IL15: variants seen among roughly 807,000 people sequenced by gnomAD.
The protein encoded by IL15 is interleukin-15.
IL15 carries 11 observed loss-of-function variants against 19.6 expected under a neutral mutation model. The observed-to-expected ratio is 0.56, with a 90% CI of 0.35 to 0.93. The LOEUF (loss-of-function observed/expected upper bound fraction) is 0.93, where lower values mean the gene tolerates loss of function less well. IL15 is among the 40% of genes least tolerant of loss of function. The pLI is 0.01. For synonymous variants in IL15, 58 were observed against 59.6 expected (o/e 0.97, Z 0.12); for missense variants, 197 against 186.5 (o/e 1.06, Z -0.33).
In IL15 at chr4:141,733,291, C is replaced by G. The variant is rs1163920732; in HGVS notation, c.*443C>G. ...GTAGGCTCCTGCCAGTGTGGAACCA[C>G]TGACTACTGGCTCTCATTGACTTCC... is the stretch of plus-strand genomic sequence containing the variant. On this transcript the variant is annotated 3_prime_UTR_variant, in exon 8 of 8. Coordinates refer to ENST00000320650, the MANE Select transcript of IL15 (RefSeq NM_000585.5). 6.5e-6 allele frequency: 1 copy of G among 154,586 alleles called. No individual in the cohort carries two copies. The highest frequency in any genetic ancestry group is 2.4e-5 in the African/African-American group (1 of 41,484). 9.6% of individuals were successfully genotyped at this position (154,586 alleles called of 1,614,324 possible). A position where few individuals can be genotyped will look rare whatever the true frequency, so the allele number is the denominator to read the frequency against.
intron 2 of IL15, among the ~76,000 whole-genome samples, chr4:141,710,714 C>T (rs1729689403): frequency 6.6e-6 from 1 of 151,920 alleles, no homozygotes; most frequent in African/African-American, 2.4e-5. Context: ...CTATTACAAC[C>T]TTCTGTTAGA....
At chr4:141,727,806 A>G (rs1730318130) in intron 5 of IL15, 134 bp from the exon 6 acceptor site, 1 of 610,688 alleles carries the variant, frequency 1.6e-6, no homozygotes, top group Admixed American at 3.4e-5. Flanking sequence ...TTACTCTTAC[A>G]GTTTCATATG....
chr4:141,717,565 G>A (rs565572999), intron 2 of IL15: 1 of 152,576 alleles, frequency 6.6e-6, no homozygotes, highest in East Asian at 1.9e-4. Context: ...AGAACTGTGA[G>A]CCAAATGAGC....
intron 1 of IL15, among the ~76,000 whole-genome samples, chr4:141,655,341 A>G (rs1022521099): frequency 5.5e-4 from 83 of 152,020 alleles, no homozygotes; most frequent in African/African-American, 1.9e-3. Context: ...TTAAGGCGGT[A>G]TTATACAAAC....
chr4:141,683,571 TAA>T (rs566487149), intron 2 of IL15, among the ~76,000 whole-genome samples: 29 of 120,776 alleles, frequency 2.4e-4, no homozygotes, highest in Admixed American at 5.2e-4. Context: ...ATTCCGTCTC[TAA>T]AAAAAAAAAA....
intron 2 of IL15, among the ~76,000 whole-genome samples, chr4:141,696,355 A>G (rs1218730061): frequency 6.6e-6 from 1 of 152,064 alleles, no homozygotes; most frequent in African/African-American, 2.4e-5. Context: ...TATTTCAGGT[A>G]GTATGAAGAA....
At chr4:141,732,663 G>C (rs1426373411) in intron 7 of IL15, 75 bp from the exon 8 acceptor site, 6 of 1,564,116 alleles carry the variant, frequency 3.8e-6, no homozygotes, top group Non-Finnish European at 5.2e-6. Context: ...CAAACGATAT[G>C]ATATTCCCAT....
rs1314815690 is a variant in IL15, at chr4:141,732,785, A to C, written c.426A>C (p.Lys142Asn). The C allele has an allele frequency of 6.2e-7, 1 of 1,613,102 alleles. No homozygotes were observed. Among genetic ancestry groups the C allele is most frequent in the Non-Finnish European group, 8.5e-7 (1 of 1,179,668 alleles). Residue 142 changes from lysine to asparagine, a missense_variant, in exon 8 of 8, where the codon AAA (lysine) becomes AAC (asparagine). Physicochemically the swap from Lys to Asn is moderately conservative, Grantham distance 94 (BLOSUM62 0). Transcript: ENST00000320650. ...AAGAATGTGAGGAACTGGAGGAAAA[A>C]AATATTAAAGAATTTTTGCAGAGTT... is the stretch of plus-strand genomic sequence containing the variant. ...GCKECEELEEKNIKEFLQSFV... is the reference protein window; with the variant it reads ...GCKECEELEENNIKEFLQSFV...
intron 2 of IL15, among the ~76,000 whole-genome samples, chr4:141,692,303 G>A (rs972181774): frequency 1.3e-5 from 2 of 152,224 alleles, no homozygotes; most frequent in African/African-American, 2.4e-5. Context: ...TGGCTGCCTT[G>A]AAGATCTCTG....
intron 2 of IL15, among the ~76,000 whole-genome samples, chr4:141,693,172 G>A (rs1279910708): frequency 1.3e-5 from 2 of 151,842 alleles, no homozygotes; most frequent in Non-Finnish European, 2.9e-5. Context: ...CACCCTCTTC[G>A]CAAGGTGGCA....
At chr4:141,677,767 G>T (rs1728395734) in intron 2 of IL15, among the ~76,000 whole-genome samples, 1 of 152,164 alleles carries the variant, frequency 6.6e-6, no homozygotes, top group African/African-American at 2.4e-5. Flanking sequence ...TTAAGGGCTT[G>T]TATGATTAGA....
intron 1 of IL15, among the ~76,000 whole-genome samples, chr4:141,645,524 C>T (rs1727197265): frequency 1.3e-5 from 2 of 152,158 alleles, no homozygotes; most frequent in Admixed American, 1.3e-4. Flanking sequence ...TATTTCGTCA[C>T]TGCATTTCTA....
At chr4:141,677,539 C>T (rs1728388459) in intron 2 of IL15, among the ~76,000 whole-genome samples, 1 of 152,136 alleles carries the variant, frequency 6.6e-6, no homozygotes, top group South Asian at 2.1e-4. Context: ...GTGCCCCAGC[C>T]CGAGTTGTTC....
chr4:141,646,326 A>G (rs1480702257), intron 1 of IL15, among the ~76,000 whole-genome samples: 1 of 152,068 alleles, frequency 6.6e-6, no homozygotes, highest in Non-Finnish European at 1.5e-5. Flanking sequence ...CTCTTCCCTT[A>G]GCTCACTGAG....
intron 2 of IL15, 108 bp downstream of exon 2, chr4:141,656,415 C>T: frequency 2.5e-6 from 1 of 394,274 alleles, no homozygotes; most frequent in Non-Finnish European, 4.5e-6. Context: ...TATATACTCA[C>T]AGCTTTTAAA....
At chr4:141,653,049 A>T (rs927357666) in intron 1 of IL15, among the ~76,000 whole-genome samples, 1 of 152,218 alleles carries the variant, frequency 6.6e-6, no homozygotes, top group East Asian at 1.9e-4. Context: ...GAGTGATCAC[A>T]TAGAGACTGG....
At chr4:141,664,090 T>C (rs983262619) in intron 2 of IL15, among the ~76,000 whole-genome samples, 1 of 152,118 alleles carries the variant, frequency 6.6e-6, no homozygotes, top group South Asian at 2.1e-4. Context: ...CAGATAAGGA[T>C]GCACAATTCT....
At position 141,733,931 on chromosome 4, in the gene IL15, T is replaced by C. The variant is rs932086779; in HGVS notation, c.*1083T>C. 1 of 152,258 alleles carries C rather than the reference T, an allele frequency of 6.6e-6. No homozygotes were observed. Among genetic ancestry groups the C allele is most frequent in the Non-Finnish European group, 1.5e-5 (1 of 68,040 alleles). The allele number at this position is 152,258 out of a possible 1,614,324, so 9.4% of individuals were successfully genotyped here. A position where few individuals can be genotyped will look rare whatever the true frequency, so the allele number is the denominator to read the frequency against. On this transcript the variant is annotated 3_prime_UTR_variant, in exon 8 of 8. Coordinates refer to ENST00000320650, the MANE Select transcript of IL15 (RefSeq NM_000585.5). ...CTAAAATTAGCAAGCTCTCTTCTAA[T>C]GGAACTGTAAGAAAGATGAAATATT...
At chr4:141,653,353 T>C (rs545866607) in intron 1 of IL15, among the ~76,000 whole-genome samples, 4 of 152,300 alleles carry the variant, frequency 2.6e-5, no homozygotes, top group East Asian at 1.9e-4. Context: ...TTTAAATCTG[T>C]GCTACATAAT....
Sources: gnomAD v4.1 joint callset for allele counts (sites outside exome capture counted in the v4.1 genomes callset) on GRCh38, gnomAD v4.1.1 for gene constraint, MANE v1.5 for transcripts, NCBI Gene and HGNC (gene_info 2026-07-23, HGNC 2026-07-21) for gene names.